RALGPS1: variants seen among roughly 807,000 people sequenced by gnomAD.
The protein encoded by RALGPS1 is ras-specific guanine nucleotide-releasing factor RalGPS1.
RALGPS1 carries 19 observed loss-of-function variants against 78.8 expected under a neutral mutation model. The ratio of observed to expected loss-of-function variants is 0.24; its 90% CI spans 0.17 to 0.35. The LOEUF is 0.35. Among genes scored for constraint, RALGPS1 ranks in the 10% least tolerant of loss-of-function variants. The probability of loss-of-function intolerance (pLI) is 1.00; values close to 1 mark genes in which losing one functional copy is unlikely to be tolerated. For missense variants in RALGPS1, 454 were observed against 688.3 expected (o/e 0.66, Z 3.81); for synonymous variants, 228 against 256.3 (o/e 0.89, Z 1.06).
At chr9:127,138,582 A>G (rs1258905307) in intron 8 of RALGPS1, among the ~76,000 whole-genome samples, 1 of 151,218 alleles carries the variant, frequency 6.6e-6, no homozygotes, top group East Asian at 1.9e-4. Flanking sequence ...TATAGAAGAA[A>G]CTCCTGGAAA....
intron 8 of RALGPS1, among the ~76,000 whole-genome samples, chr9:127,162,597 G>T (rs1286011538): frequency 6.6e-6 from 1 of 152,138 alleles, no homozygotes; most frequent in Non-Finnish European, 1.5e-5. Flanking sequence ...CTTTTGAGGG[G>T]TGCTCTACCC....
At chr9:127,053,599 C>G (rs888820878) in intron 7 of RALGPS1, among the ~76,000 whole-genome samples, 3 of 152,196 alleles carry the variant, frequency 2.0e-5, no homozygotes, top group Admixed American at 6.5e-5. Flanking sequence ...TCTGGGGTCT[C>G]TCACAGCCAC....
intron 8 of RALGPS1, among the ~76,000 whole-genome samples, chr9:127,164,458 C>G (rs2059184831): frequency 1.3e-5 from 2 of 151,456 alleles, no homozygotes; most frequent in Non-Finnish European, 2.9e-5. Flanking sequence ...TGGTTTTGAA[C>G]TCCTGACCTC....
chr9:127,164,049 G>A (rs1414474954), intron 8 of RALGPS1, among the ~76,000 whole-genome samples: 3 of 151,852 alleles, frequency 2.0e-5, no homozygotes, highest in Non-Finnish European at 4.4e-5. Flanking sequence ...GCATGCGTGT[G>A]TGTTTTCAAA....
chr9:127,195,027 G>A lies in RALGPS1; in HGVS notation c.911-64G>A, dbSNP rs1252240126. On this transcript the variant is annotated intron_variant, in intron 11 of 18. Coordinates refer to ENST00000259351, the MANE Select transcript of RALGPS1 (RefSeq NM_014636.3). ...GGGCCCACCTCCACACCTCAACCCA[G>A]CCTGTGCAGCCCCTCACCCTCCCAT... The A allele has an allele frequency of 1.5e-5, 24 of 1,588,340 alleles. 2 individuals carry two copies. The highest frequency in any genetic ancestry group is 4.5e-5 in the East Asian group (2 of 44,442).
intron 8 of RALGPS1, among the ~76,000 whole-genome samples, chr9:127,092,181 A>G (rs758348963): frequency 1.3e-5 from 2 of 152,220 alleles, no homozygotes; most frequent in African/African-American, 2.4e-5. Flanking sequence ...TTGTTCTTAC[A>G]TCAGGGAGGC....
In RALGPS1 at chr9:127,221,523, T is replaced by G; in HGVS notation, c.*2754T>G. On this transcript the variant is annotated 3_prime_UTR_variant, in exon 19 of 19. Coordinates refer to ENST00000259351, the MANE Select transcript of RALGPS1 (RefSeq NM_014636.3). Reference sequence around the variant, plus strand: ...GTCTCTCTCAGTTGAACATGTTTTGTCATTCAAGATCAGTCAGGTGCATTC... The same window carrying G: ...GTCTCTCTCAGTTGAACATGTTTTGGCATTCAAGATCAGTCAGGTGCATTC... The G allele has an allele frequency of 6.6e-6, 1 of 152,174 alleles. No homozygotes were observed. The highest frequency in any genetic ancestry group is 1.9e-4 in the East Asian group (1 of 5,200). The allele number at this position is 152,174 out of a possible 1,614,324, so 9.4% of individuals were successfully genotyped here. A position where few individuals can be genotyped will look rare whatever the true frequency, so the allele number is the denominator to read the frequency against.
chr9:126,980,739 G>A (rs1318925688), intron 4 of RALGPS1, among the ~76,000 whole-genome samples: 2 of 152,172 alleles, frequency 1.3e-5, no homozygotes, highest in East Asian at 3.8e-4. Context: ...CATGGACCCT[G>A]TAGCCAGTAC....
chr9:127,146,147 A>C (rs1019705867), intron 8 of RALGPS1, among the ~76,000 whole-genome samples: 8 of 152,080 alleles, frequency 5.3e-5, no homozygotes, highest in Non-Finnish European at 1.0e-4. Context: ...CATGATGCTG[A>C]GGTTTGGGGT....
intron 2 of RALGPS1, among the ~76,000 whole-genome samples, chr9:126,963,566 T>C (rs1006844864): frequency 5.9e-5 from 9 of 152,250 alleles, no homozygotes; most frequent in Non-Finnish European, 8.8e-5. Context: ...GTGATACATT[T>C]ACACCAACAT....
At position 127,183,803 on chromosome 9, in the gene RALGPS1, C is replaced by T; in HGVS notation, c.910+9021C>T. 7.0e-7 allele frequency: 1 copy of T among 1,437,388 alleles called. No individual in the cohort carries two copies. Among genetic ancestry groups the T allele is most frequent in the East Asian group, 2.5e-5 (1 of 40,124 alleles). 89.0% of individuals were successfully genotyped at this position (1,437,388 alleles called of 1,614,324 possible). ...GGTGGGAGGGGCCCTCCATGAGGAC[C>T]TCAGGGATAGGAGGCCAGTTGTGGC... On this transcript the variant is annotated intron_variant, in intron 11 of 18. Transcript: ENST00000259351. The surrounding 1 kb of genome is among the most constrained non-coding windows in gnomAD (Gnocchi z 4.0).
At chr9:127,015,313 TA>T (rs1404797611) in intron 4 of RALGPS1, among the ~76,000 whole-genome samples, 1 of 152,344 alleles carries the variant, frequency 6.6e-6, no homozygotes, top group Non-Finnish European at 1.5e-5. Flanking sequence ...CAATTTTAGT[TA>T]TGTGTAACCT....
At chr9:127,042,936 C>T (rs2047444500) in intron 5 of RALGPS1, among the ~76,000 whole-genome samples, 1 of 152,032 alleles carries the variant, frequency 6.6e-6, no homozygotes, top group African/African-American at 2.4e-5. Flanking sequence ...CCAAGAAAAC[C>T]ATAAAACTTA....
intron 8 of RALGPS1, among the ~76,000 whole-genome samples, chr9:127,095,373 G>A (rs575369639): frequency 6.6e-6 from 1 of 152,352 alleles, no homozygotes; most frequent in East Asian, 1.9e-4. Context: ...ACTCCAGCCT[G>A]AGTGGCAGAG....
At chr9:126,921,973 CATGT>C (rs2034812540) in intron 1 of RALGPS1, among the ~76,000 whole-genome samples, 1 of 152,196 alleles carries the variant, frequency 6.6e-6, no homozygotes, top group Non-Finnish European at 1.5e-5. Context: ...TTAAAACACA[CATGT>C]ACTTGGTGAT....
chr9:126,915,274 G>C (rs988807077), intron 1 of RALGPS1, among the ~76,000 whole-genome samples: 9 of 142,496 alleles, frequency 6.3e-5, no homozygotes, highest in African/African-American at 2.1e-4. Flanking sequence ...GCGGGCGCGG[G>C]GGGCGGGGCC....
rs929668819 is a variant in RALGPS1, at chr9:127,221,956, T to C, written c.*3187T>C. On this transcript the variant is annotated 3_prime_UTR_variant, in exon 19 of 19. Transcript: ENST00000259351. ...TGGGGAGCACTGCCAAAAATACAGC[T>C]TTCTGGTTTGTGAGCCCATAAATGA... 2 of 152,206 alleles carry C rather than the reference T, an allele frequency of 1.3e-5. No individual in the cohort carries two copies. Among genetic ancestry groups the C allele is most frequent in the Admixed American group, 6.5e-5 (1 of 15,280 alleles). 9.4% of individuals were successfully genotyped at this position (152,206 alleles called of 1,614,324 possible).
chr9:127,036,387 G>A (rs1375885891), intron 5 of RALGPS1, among the ~76,000 whole-genome samples: 1 of 152,204 alleles, frequency 6.6e-6, no homozygotes, highest in East Asian at 1.9e-4. Flanking sequence ...CCAAATAAAA[G>A]AAAGCAGGTC....
chr9:126,979,490 T>G (rs1234092163), intron 4 of RALGPS1, among the ~76,000 whole-genome samples: 1 of 152,216 alleles, frequency 6.6e-6, no homozygotes, highest in East Asian at 1.9e-4. Context: ...TCTGATTATG[T>G]TCTCTGCTTA....
Sources: gnomAD v4.1 joint callset for allele counts (sites outside exome capture counted in the v4.1 genomes callset) on GRCh38, gnomAD v4.1.1 for gene constraint, Gnocchi (gnomAD v3.1) non-coding constraint, MANE v1.5 for transcripts, NCBI Gene and HGNC (gene_info 2026-07-23, HGNC 2026-07-21) for gene names.